CAMK1D: variants seen among roughly 807,000 people sequenced by gnomAD.
CAMK1D encodes calcium/calmodulin-dependent protein kinase type 1D.
Under a neutral mutation model 47.7 loss-of-function variants are expected in CAMK1D, and 9 were observed. The observed-to-expected ratio is 0.19, with a 90% confidence interval of 0.11 to 0.33. The LOEUF is 0.33. CAMK1D is among the 10% of genes least tolerant of loss of function. The probability of loss-of-function intolerance (pLI) is 1.00; values close to 1 mark genes in which losing one functional copy is unlikely to be tolerated. For missense variants in CAMK1D, 291 were observed against 488.7 expected (o/e 0.60, Z 3.81); for synonymous variants, 184 against 184.9 (o/e 0.99, Z 0.04).
At chr10:12,548,112 C>T (rs943345807) in intron 1 of CAMK1D, among the ~76,000 whole-genome samples, 1 of 152,216 alleles carries the variant, frequency 6.6e-6, no homozygotes, top group Non-Finnish European at 1.5e-5. Flanking sequence ...GTTCTATTTT[C>T]TGTCCTTTAC....
chr10:12,732,609 ATTTAT>A (rs1319767114), intron 3 of CAMK1D, among the ~76,000 whole-genome samples: 2 of 151,914 alleles, frequency 1.3e-5, no homozygotes, highest in Non-Finnish European at 2.9e-5. Context: ...ATCTCGTGAG[ATTTAT>A]TCACCATCAG....
intron 2 of CAMK1D, among the ~76,000 whole-genome samples, chr10:12,616,078 G>A (rs1440482168): frequency 1.3e-5 from 2 of 151,548 alleles, no homozygotes; most frequent in Non-Finnish European, 2.9e-5. Flanking sequence ...GTGTTTGTGC[G>A]TGTATTGGTG....
intron 1 of CAMK1D, among the ~76,000 whole-genome samples, chr10:12,521,900 C>CT (rs1352191709): frequency 6.6e-6 from 1 of 151,834 alleles, no homozygotes; most frequent in East Asian, 1.9e-4. Context: ...ATTCATTTTT[C>CT]TTTTGGTTAG....
Position 12,565,411 on chromosome 10 carries a change from G to A in CAMK1D, c.224+12055G>A, listed in dbSNP as rs140049080. 7.5e-3 allele frequency among the ~76,000 whole-genome samples: 1,146 copies of A among 152,218 alleles called. 33 individuals carry two copies. The East Asian group carries it at 0.08, about 11-fold the overall frequency. On this transcript the variant is annotated intron_variant, in intron 2 of 10. Transcript: ENST00000619168. ...TGGGTTTACAGGTGCCTGCCACCAT[G>A]CCTGGCTAGTTTTTGTATTTTTAGT...
intron 2 of CAMK1D, among the ~76,000 whole-genome samples, chr10:12,631,946 G>T (rs1005599238): frequency 2.0e-5 from 3 of 152,160 alleles, no homozygotes; most frequent in African/African-American, 7.2e-5. Flanking sequence ...TGGCACACAG[G>T]AGGTGCTCAG....
chr10:12,702,172 C>T (rs114768283), intron 3 of CAMK1D, among the ~76,000 whole-genome samples: 42 of 152,066 alleles, frequency 2.8e-4, no homozygotes, highest in African/African-American at 1.0e-3. Context: ...GAGCAGGAAT[C>T]GTGCAGGGAC....
chr10:12,662,163 T>C (rs1355523334), intron 2 of CAMK1D, among the ~76,000 whole-genome samples: 1 of 152,178 alleles, frequency 6.6e-6, no homozygotes, highest in East Asian at 1.9e-4. Context: ...GGAATTTGAA[T>C]GAAGACACAT....
intron 5 of CAMK1D, among the ~76,000 whole-genome samples, chr10:12,788,943 G>A (rs1436630208): frequency 6.6e-6 from 1 of 152,190 alleles, no homozygotes; most frequent in African/African-American, 2.4e-5. Context: ...AGAAAGTTTG[G>A]GGGCGTTGCA....
intron 1 of CAMK1D, among the ~76,000 whole-genome samples, chr10:12,417,710 C>T (rs1034395512): frequency 3.3e-5 from 5 of 152,052 alleles, no homozygotes; most frequent in African/African-American, 9.7e-5. Context: ...GCAAGGAACA[C>T]GGAGGTCCTG....
intron 6 of CAMK1D, among the ~76,000 whole-genome samples, chr10:12,803,417 C>T (rs943490356): frequency 1.3e-5 from 2 of 152,324 alleles, no homozygotes; most frequent in South Asian, 2.1e-4. Flanking sequence ...GGGTGTGGCT[C>T]ACACCTGTAA....
intron 3 of CAMK1D, among the ~76,000 whole-genome samples, chr10:12,667,521 A>G (rs1363684012): frequency 1.3e-5 from 2 of 152,226 alleles, no homozygotes; most frequent in African/African-American, 4.8e-5. Flanking sequence ...TCTAAGTGAT[A>G]AGATTCCTAG....
intron 3 of CAMK1D, among the ~76,000 whole-genome samples, chr10:12,722,766 A>G (rs1361484599): frequency 6.6e-6 from 1 of 152,214 alleles, no homozygotes; most frequent in African/African-American, 2.4e-5. Context: ...TTCTAGCATT[A>G]AGGCGGAAAC....
chr10:12,819,457 G>A (rs1384277373), intron 8 of CAMK1D, among the ~76,000 whole-genome samples: 1 of 152,234 alleles, frequency 6.6e-6, no homozygotes, highest in African/African-American at 2.4e-5. Context: ...CGGCTCTTAA[G>A]TCCTGGCTTC....
chr10:12,384,595 T>C (rs1463226787), intron 1 of CAMK1D, among the ~76,000 whole-genome samples: 1 of 152,172 alleles, frequency 6.6e-6, no homozygotes, highest in African/African-American at 2.4e-5. Flanking sequence ...GGAAGAATAG[T>C]CTTTTGAAAA....
intron 1 of CAMK1D, among the ~76,000 whole-genome samples, chr10:12,523,276 G>A (rs1330957305): frequency 6.6e-6 from 1 of 151,424 alleles, no homozygotes; most frequent in Non-Finnish European, 1.5e-5. Flanking sequence ...TGGCCGGGCA[G>A]AGGGGCTCCT....
At position 12,789,236 on chromosome 10, in the gene CAMK1D, A is replaced by G. The variant is rs375758917; in HGVS notation, c.566-1922A>G. Among the ~76,000 whole-genome samples the G allele has an allele frequency of 1.4e-4, 22 of 152,292 alleles. No homozygotes were observed. The East Asian group carries it at 3.7e-3, about 25-fold the overall frequency. ...TTTGGCGATTTTTGTTTTTTAGCTC[A>G]TCAGCTACTATTAGTATTAGTGTAT... On this transcript the variant is annotated intron_variant, in intron 5 of 10. Transcript: ENST00000619168.
chr10:12,602,377 T>C (rs1352215644), intron 2 of CAMK1D, among the ~76,000 whole-genome samples: 3 of 152,040 alleles, frequency 2.0e-5, no homozygotes, highest in African/African-American at 7.2e-5. Context: ...CCACTCACAG[T>C]CTCTCATTTC....
chr10:12,616,808 C>T (rs1173725150), intron 2 of CAMK1D, among the ~76,000 whole-genome samples: 2 of 152,272 alleles, frequency 1.3e-5, no homozygotes, highest in African/African-American at 4.8e-5. Flanking sequence ...TGAGCCACCG[C>T]GCCTGGCCGA....
intron 1 of CAMK1D, among the ~76,000 whole-genome samples, chr10:12,375,791 G>A (rs531988375): frequency 2.0e-5 from 3 of 152,168 alleles, no homozygotes; most frequent in East Asian, 1.9e-4. Flanking sequence ...TGTATTTGGC[G>A]TTTTTCATTT....
Sources: gnomAD v4.1 joint callset for allele counts (sites outside exome capture counted in the v4.1 genomes callset) on GRCh38, gnomAD v4.1.1 for gene constraint, MANE v1.5 for transcripts, NCBI Gene and HGNC (gene_info 2026-07-23, HGNC 2026-07-21) for gene names.